Variants in NDST3 observed in about 807,000 individuals in gnomAD.
NDST3 encodes the protein N-deacetylase and N-sulfotransferase 3.
NDST3 carries 58 observed loss-of-function variants against 96.1 expected under a neutral mutation model. That is an observed-to-expected ratio of 0.60 (90% CI 0.49 to 0.75). NDST3 has a LOEUF of 0.75. Ranked by LOEUF, NDST3 falls within the 30% of genes least tolerant of loss-of-function variation. The pLI is 0.00. For missense variants in NDST3, 788 were observed against 1,034.2 expected (o/e 0.76, Z 3.27); for synonymous variants, 333 against 359.7 (o/e 0.93, Z 0.84).
At chr4:118,116,633 G>A (rs528506636) in intron 4 of NDST3, among the ~76,000 whole-genome samples, 176 of 152,180 alleles carry the variant, frequency 1.2e-3, no homozygotes, top group African/African-American at 2.6e-3. Flanking sequence ...CGAGGTGGGC[G>A]GATCACGAGG....
chr4:118,070,372 AGTGAAT>A (rs1290591809), intron 2 of NDST3, among the ~76,000 whole-genome samples: 2 of 152,090 alleles, frequency 1.3e-5, no homozygotes, highest in Non-Finnish European at 2.9e-5. Flanking sequence ...TAACAGCCCC[AGTGAAT>A]GCATGTGTGA....
Position 118,048,953 on chromosome 4 carries a change from T to G in NDST3, c.-155-4803T>G, listed in dbSNP as rs1433291136. Reference sequence around the variant, plus strand: ...TTTCATCTGCACATAAAACATATTCTAAGACTGACCACATGTTTGTTCACG... The same window carrying G: ...TTTCATCTGCACATAAAACATATTCGAAGACTGACCACATGTTTGTTCACG... On this transcript the variant is annotated intron_variant, in intron 1 of 13. Coordinates refer to ENST00000296499, the MANE Select transcript of NDST3 (RefSeq NM_004784.3). Among the ~76,000 whole-genome samples, 3 of 152,184 alleles carry G rather than the reference T, an allele frequency of 2.0e-5. 1 individual carries two copies. Among genetic ancestry groups the G allele is most frequent in the Admixed American group, 2.0e-4 (3 of 15,274 alleles).
At chr4:118,110,752 A>C (rs1462082275) in intron 3 of NDST3, among the ~76,000 whole-genome samples, 2 of 152,196 alleles carry the variant, frequency 1.3e-5, no homozygotes, top group African/African-American at 2.4e-5. Context: ...GAGTTTGGAA[A>C]TTTCTCAAAG....
At chr4:118,185,763 C>G (rs1039758679) in intron 6 of NDST3, among the ~76,000 whole-genome samples, 1 of 152,090 alleles carries the variant, frequency 6.6e-6, no homozygotes, top group Admixed American at 6.6e-5. Context: ...TAGTTGGCTA[C>G]CTTTCATTGG....
chr4:118,218,847 A>G (rs1739360757), intron 6 of NDST3, among the ~76,000 whole-genome samples: 1 of 152,196 alleles, frequency 6.6e-6, no homozygotes, highest in South Asian at 2.1e-4. Context: ...GCAAAGTCTC[A>G]GGATACAAAA....
At chr4:118,087,006 A>G (rs1728475656) in intron 2 of NDST3, among the ~76,000 whole-genome samples, 1 of 152,148 alleles carries the variant, frequency 6.6e-6, no homozygotes, top group Non-Finnish European at 1.5e-5. Flanking sequence ...ATTTGCCTAG[A>G]TAAATTGTTA....
intron 2 of NDST3, among the ~76,000 whole-genome samples, chr4:118,071,573 G>A (rs570238610): frequency 6.6e-6 from 1 of 152,018 alleles, no homozygotes; most frequent in Non-Finnish European, 1.5e-5. Context: ...CCATCCATTG[G>A]GGTGTTCTAC....
Position 118,140,399 on chromosome 4 carries a change from G to A in NDST3, c.1410+2160G>A, listed in dbSNP as rs138102728. ...AACATAAACACCAATTACACTTTAAGCTGTTTGAGCCCTAACCAAAGTCTC... is the reference window on the plus strand; with the variant it reads ...AACATAAACACCAATTACACTTTAAACTGTTTGAGCCCTAACCAAAGTCTC... On this transcript the variant is annotated intron_variant, in intron 5 of 13. Transcript: ENST00000296499. Among the ~76,000 whole-genome samples the A allele has an allele frequency of 2.0e-3, 309 of 152,158 alleles. 3 individuals carry two copies. Among genetic ancestry groups the A allele is most frequent in the African/African-American group, 7.0e-3 (292 of 41,482 alleles).
chr4:118,230,437 C>T (rs1459484615), intron 8 of NDST3, among the ~76,000 whole-genome samples: 1 of 151,846 alleles, frequency 6.6e-6, no homozygotes, highest in African/African-American at 2.4e-5. Flanking sequence ...TAGCCGGGTG[C>T]GGTGGCGGGC....
intron 6 of NDST3, among the ~76,000 whole-genome samples, chr4:118,216,039 T>C (rs543354994): frequency 1.3e-5 from 2 of 152,296 alleles, no homozygotes; most frequent in Admixed American, 6.5e-5. Flanking sequence ...TTATGCGCTA[T>C]GAATAGCTCC....
chr4:118,187,038 A>G (rs76499765), intron 6 of NDST3, among the ~76,000 whole-genome samples: 9,366 of 152,234 alleles, frequency 0.062, 611 homozygotes, highest in African/African-American at 0.16. Flanking sequence ...TTTTAGCCAG[A>G]GTCCCCATGA....
intron 10 of NDST3, among the ~76,000 whole-genome samples, chr4:118,238,164 AAAGAAAGAAAGAAAG>A (rs1560738669): frequency 4.9e-4 from 10 of 20,448 alleles, no homozygotes; most frequent in African/African-American, 2.1e-3. Flanking sequence ...GAAAAGAAAG[AAAGAAAGAAAGAAAG>A]AAAGAAAGAA....
chr4:118,051,355 T>A (rs781724455), intron 1 of NDST3, among the ~76,000 whole-genome samples: 9 of 152,156 alleles, frequency 5.9e-5, no homozygotes, highest in Non-Finnish European at 1.3e-4. Context: ...TGGCAAAGAA[T>A]TTTTGGCTAA....
intron 6 of NDST3, among the ~76,000 whole-genome samples, chr4:118,179,404 G>T (rs1393678866): frequency 6.6e-6 from 1 of 151,854 alleles, no homozygotes; most frequent in Non-Finnish European, 1.5e-5. Context: ...CAAAAATTAG[G>T]TTTTTTTAAT....
At chr4:118,086,513 A>G (rs1398746187) in intron 2 of NDST3, among the ~76,000 whole-genome samples, 1 of 152,170 alleles carries the variant, frequency 6.6e-6, no homozygotes, top group Non-Finnish European at 1.5e-5. Flanking sequence ...GCATTTATGT[A>G]TATGAGTCAC....
chr4:118,068,521 CA>C (rs1726783300), intron 2 of NDST3, among the ~76,000 whole-genome samples: 1 of 151,898 alleles, frequency 6.6e-6, no homozygotes. Context: ...CATGAGTTTC[CA>C]AACCACGGAA....
At chr4:118,249,859 G>A (rs1741562295) in intron 12 of NDST3, among the ~76,000 whole-genome samples, 1 of 151,856 alleles carries the variant, frequency 6.6e-6, no homozygotes, top group African/African-American at 2.4e-5. Flanking sequence ...AATATATACA[G>A]TTGTACGTAC....
At chr4:118,170,313 T>C (rs767967856) in intron 6 of NDST3, among the ~76,000 whole-genome samples, 5 of 152,224 alleles carry the variant, frequency 3.3e-5, no homozygotes, top group Admixed American at 3.3e-4. Context: ...GAGATTCAGT[T>C]ATATAAAAAA....
chr4:118,172,646 TCC>T (rs1736025492), intron 6 of NDST3, among the ~76,000 whole-genome samples: 1 of 152,162 alleles, frequency 6.6e-6, no homozygotes, highest in Non-Finnish European at 1.5e-5. Context: ...TTTCTGCTCT[TCC>T]ATATTTTTTA....
Sources: allele counts gnomAD v4.1 joint callset (sites outside exome capture counted in the v4.1 genomes callset), GRCh38; gene constraint gnomAD v4.1.1; transcripts MANE v1.5; gene names NCBI Gene and HGNC (gene_info 2026-07-23, HGNC 2026-07-21).